The following SYNE2 variants were observed in gnomAD, a reference collection of about 807,000 sequenced individuals.
SYNE2 encodes spectrin repeat containing nuclear envelope protein 2.
A neutral mutation model predicts 856.3 loss-of-function variants in SYNE2; 431 were observed. That is an observed-to-expected ratio of 0.50 (90% CI 0.47 to 0.55). The LOEUF (loss-of-function observed/expected upper bound fraction) is 0.55. SYNE2 is among the 20% of genes least tolerant of loss of function. The pLI is 0.00. For synonymous variants in SYNE2, 2,923 were observed against 2,872.3 expected, an observed-to-expected ratio of 1.02 and a Z score of -0.56; for missense variants, 8,129 against 8,023.2, an observed-to-expected ratio of 1.01 and a Z score of -0.50.
At chr14:64,129,548 G>C (rs911073644) in intron 74 of SYNE2, among the ~76,000 whole-genome samples, 1 of 152,166 alleles carries the variant, frequency 6.6e-6, no homozygotes, top group Non-Finnish European at 1.5e-5. Flanking sequence ...GAATGCTGTG[G>C]TGCAGTTCAT....
chr14:64,107,360 A>G, intron 64 of SYNE2, 131 bp from the exon 65 acceptor site: 1 of 805,686 alleles, frequency 1.2e-6, no homozygotes, highest in Non-Finnish European at 2.1e-6. Flanking sequence ...CTTTTTTCTA[A>G]TCGTATCTGA....
chr14:63,841,180 A>G (rs1421220065), intron 1 of SYNE2, among the ~76,000 whole-genome samples: 3 of 151,816 alleles, frequency 2.0e-5, no homozygotes, highest in African/African-American at 7.3e-5. Context: ...CACAGCTGAA[A>G]CCTCTGGGGG....
intron 32 of SYNE2, among the ~76,000 whole-genome samples, chr14:64,014,970 T>TACACACAC (rs1310338428): frequency 1.4e-5 from 1 of 70,434 alleles, no homozygotes; most frequent in African/African-American, 4.9e-5. Flanking sequence ...TATATATATA[T>TACACACAC]ATATACACAC....
chr14:64,224,939 T>A, intron 114 of SYNE2, 60 bp from the exon 115 acceptor site: 1 of 1,516,186 alleles, frequency 6.6e-7, no homozygotes, highest in African/African-American at 1.4e-5. Context: ...TTTTTTTTTT[T>A]TATCATTGAT....
chr14:64,140,189 TG>T, intron 80 of SYNE2, 116 bp downstream of exon 80: 1 of 964,988 alleles, frequency 1.0e-6, no homozygotes, highest in Non-Finnish European at 1.6e-6. Flanking sequence ...GGGTAAGACT[TG>T]GGCGAATGGC....
At chr14:64,014,974 T>TATACACACAC (rs1434593932) in intron 32 of SYNE2, among the ~76,000 whole-genome samples, 3 of 84,888 alleles carry the variant, frequency 3.5e-5, no homozygotes, top group African/African-American at 1.3e-4. Context: ...TATATATATA[T>TATACACACAC]ACACACACAC....
chr14:63,856,381 A>T (rs1048748362), intron 1 of SYNE2, among the ~76,000 whole-genome samples: 5 of 152,156 alleles, frequency 3.3e-5, no homozygotes, highest in Admixed American at 1.3e-4. Flanking sequence ...CCTGTATCTG[A>T]CCACTATGTC....
chr14:64,203,947 G>A (rs1445186959), intron 100 of SYNE2, among the ~76,000 whole-genome samples: 3 of 152,068 alleles, frequency 2.0e-5, no homozygotes, highest in Non-Finnish European at 4.4e-5. Context: ...TAACTTCTGG[G>A]CTCAAGTGAT....
At chr14:64,085,072 ATTT>A in intron 57 of SYNE2, 1 of 553,712 alleles carries the variant, frequency 1.8e-6, no homozygotes, top group Non-Finnish European at 3.3e-6. Flanking sequence ...CAGAAGCCAC[ATTT>A]TTTTTTTTTC....
rs138111654 is a variant in SYNE2 at position 64,214,440 on chromosome 14, G to A, written c.19303G>A (p.Glu6435Lys). Residue 6435 changes from glutamate to lysine, a missense_variant, in exon 106 of 116, where the codon GAG becomes AAG. Physicochemically the swap from Glu to Lys is moderately conservative, Grantham distance 56. This residue lies in a region of SYNE2 where 5,410 missense variants were observed against 5,284.8 expected (regional missense o/e 1.02). Transcript: ENST00000555002. ...VGGSSSHEEDEEGPYYSALSD... is the reference protein window; with the variant it reads ...VGGSSSHEEDKEGPYYSALSD... ...GGGCTCCTCCTCTCACGAAGAGGAC[G>A]AGGAGGGCCCATACTACAGCGCACT... 68 of 1,613,798 alleles carry A rather than the reference G, an allele frequency of 4.2e-5. No individual in the cohort carries two copies. The Middle Eastern group carries it at 6.7e-4, about 16-fold the overall frequency.
intron 96 of SYNE2, among the ~76,000 whole-genome samples, chr14:64,185,519 C>CTTTTTTTTTTTTTTT (rs66490444): frequency 1.3e-5 from 1 of 77,478 alleles, no homozygotes; most frequent in South Asian, 4.9e-4. Context: ...TTTTCTTTTT[C>CTTTTTTTTTTTTTTT]TTTTTTTTTT....
At chr14:63,804,978 C>T (rs1485823253) in intron 1 of SYNE2, among the ~76,000 whole-genome samples, 1 of 152,212 alleles carries the variant, frequency 6.6e-6, no homozygotes, top group Non-Finnish European at 1.5e-5. Flanking sequence ...GTTATCCCTG[C>T]ACCATTTATT....
chr14:64,218,366 C>G, intron 108 of SYNE2, 32 bp from the exon 109 acceptor site: 1 of 1,585,632 alleles, frequency 6.3e-7, no homozygotes, highest in South Asian at 1.1e-5. Context: ...TTCATATCTA[C>G]AGATGGTAAC....
Position 64,186,515 on chromosome 14 carries a change from A to G in SYNE2, c.17648A>G (p.Asp5883Gly). The G allele has an allele frequency of 6.2e-7, 1 of 1,614,216 alleles. No individual in the cohort carries two copies. Among genetic ancestry groups the G allele is most frequent in the Non-Finnish European group, 8.5e-7 (1 of 1,180,030 alleles). The change falls in exon 97 of 116, where the codon GAT becomes GGT. Residue 5883 changes from aspartate (D) to glycine (G), a missense_variant. By Grantham distance (94) the Asp-to-Gly change is moderately conservative. Transcript: ENST00000555002. ...ADLTRHVLVE[D>G]VMVLKEQIEH... ...TTAACCCGGCACGTTCTCGTGGAAG[A>G]TGTGATGGTTTTGAAGGAGCAAATA... is the stretch of plus-strand genomic sequence containing the variant.
intron 1 of SYNE2, among the ~76,000 whole-genome samples, chr14:63,842,522 G>A (rs1301650032): frequency 1.3e-5 from 2 of 150,204 alleles, no homozygotes; most frequent in Admixed American, 6.7e-5. Context: ...GCACAATGAT[G>A]TGATCTCAGC....
intron 82 of SYNE2, among the ~76,000 whole-genome samples, chr14:64,142,999 A>G (rs1486645337): frequency 2.0e-5 from 3 of 152,248 alleles, no homozygotes; most frequent in Non-Finnish European, 4.4e-5. Context: ...GGTAGGCAGA[A>G]GATGAATGGC....
chr14:64,003,440 C>G, intron 30 of SYNE2, 110 bp downstream of exon 30: 1 of 1,382,560 alleles, frequency 7.2e-7, no homozygotes, highest in African/African-American at 1.5e-5. Flanking sequence ...TATTCCATCC[C>G]ACTCTATTCA....
chr14:64,137,109 T>C (rs183159213), intron 78 of SYNE2, among the ~76,000 whole-genome samples: 60 of 152,364 alleles, frequency 3.9e-4, no homozygotes, highest in Admixed American at 8.5e-4. Flanking sequence ...AAAACCTATC[T>C]GTGAGCTCAG....
At chr14:63,902,897 C>T (rs143267920) in intron 1 of SYNE2, among the ~76,000 whole-genome samples, 16 of 151,836 alleles carry the variant, frequency 1.1e-4, no homozygotes, top group African/African-American at 3.1e-4. Flanking sequence ...AGGCTGGTTT[C>T]GAAGTCCTGG....
Sources: gnomAD v4.1 joint callset for allele counts (sites outside exome capture counted in the v4.1 genomes callset) on GRCh38, gnomAD v4.1.1 for gene constraint, gnomAD v4.1.1 regional missense constraint, MANE v1.5 for transcripts, NCBI Gene and HGNC (gene_info 2026-07-23, HGNC 2026-07-21) for gene names.